CELSR1: variants seen among roughly 807,000 people sequenced by gnomAD.
CELSR1 encodes the protein cadherin EGF LAG seven-pass G-type receptor 1.
Under a neutral mutation model 249.1 loss-of-function variants are expected in CELSR1, and 110 were observed. The observed-to-expected ratio is 0.44, with a 90% CI of 0.38 to 0.52. The LOEUF (loss-of-function observed/expected upper bound fraction) is 0.52, where lower values mean the gene tolerates loss of function less well. Among genes scored for constraint, CELSR1 ranks in the 20% least tolerant of loss-of-function variants. The probability of loss-of-function intolerance (pLI) is 0.00; values close to 1 mark genes in which losing one functional copy is unlikely to be tolerated. For missense variants in CELSR1, 4,109 were observed against 4,296.4 expected (o/e 0.96, Z 1.22); for synonymous variants, 2,113 against 1,900.0 (o/e 1.11, Z -2.92).
intron 1 of CELSR1, among the ~76,000 whole-genome samples, chr22:46,513,489 T>G (rs1225770042): frequency 6.6e-6 from 1 of 152,150 alleles, no homozygotes; most frequent in Non-Finnish European, 1.5e-5. Flanking sequence ...AAGTTGCAAC[T>G]TGAGTATTTC....
chr22:46,509,139 G>T (rs1463579407), intron 1 of CELSR1, among the ~76,000 whole-genome samples: 3 of 152,184 alleles, frequency 2.0e-5, no homozygotes, highest in Admixed American at 1.3e-4. Flanking sequence ...AGGGGCTGGG[G>T]GGCTGCGAGG....
chr22:46,499,962 G>A (rs1445778466), intron 1 of CELSR1, among the ~76,000 whole-genome samples: 4 of 152,054 alleles, frequency 2.6e-5, no homozygotes, highest in Admixed American at 2.6e-4. Context: ...CCACCCAGCG[G>A]CCGCCCCCAC....
intron 1 of CELSR1, among the ~76,000 whole-genome samples, chr22:46,482,223 T>G (rs2080273606): frequency 2.6e-5 from 4 of 152,190 alleles, no homozygotes; most frequent in African/African-American, 7.2e-5. Flanking sequence ...CCAGCAACCT[T>G]AACCCACGAG....
chr22:46,362,862 C>T lies in CELSR1; in HGVS notation c.*361G>A, dbSNP rs1333636454. ...GGTCTTTGGTCTGTGCCCGGCGTTC[C>T]TGAACTCTGGCCAGCCTCTGGGCCC... is the stretch of plus-strand genomic sequence containing the variant. On this transcript the variant is annotated 3_prime_UTR_variant, in exon 35 of 35. Transcript: ENST00000674500. 2.6e-5 allele frequency: 11 copies of T among 418,228 alleles called. No homozygotes were observed. The Admixed American group carries it at 4.0e-4, about 15-fold the overall frequency. 25.9% of individuals were successfully genotyped at this position (418,228 alleles called of 1,614,324 possible). A position where few individuals can be genotyped will look rare whatever the true frequency, so the allele number is the denominator to read the frequency against.
At chr22:46,414,069 G>C (rs115241317) in intron 5 of CELSR1, among the ~76,000 whole-genome samples, 2,521 of 152,304 alleles carry the variant, frequency 0.017, 66 homozygotes, top group Middle Eastern at 0.061. Context: ...GCAGGATAAA[G>C]AAAGCTGGAG....
rs193018095 is a variant in CELSR1, at chr22:46,380,026, G to A, written c.7256+762C>T. On this transcript the variant is annotated intron_variant, in intron 22 of 34. Coordinates refer to ENST00000674500, the MANE Select transcript of CELSR1 (RefSeq NM_001378328.1). The surrounding 1 kb of genome is among the most constrained non-coding windows in gnomAD (Gnocchi z 5.1). ...CCTGTAACGATAGAGCAACTCAAAT[G>A]TCCACACCTCACGTGAACTCTGCAG... Among the ~76,000 whole-genome samples the A allele has an allele frequency of 6.6e-5, 10 of 152,308 alleles. No homozygotes were observed. The highest frequency in any genetic ancestry group is 5.2e-4 in the Admixed American group (8 of 15,302).
chr22:46,405,957 C>T (rs1322275818), intron 9 of CELSR1, among the ~76,000 whole-genome samples: 1 of 152,158 alleles, frequency 6.6e-6, no homozygotes, highest in African/African-American at 2.4e-5. Context: ...CTGCAGCATC[C>T]CCTCAAGGCC....
At chr22:46,376,979 G>A in intron 24 of CELSR1, 82 bp downstream of exon 24, 1 of 1,421,872 alleles carries the variant, frequency 7.0e-7, no homozygotes, top group South Asian at 1.2e-5. Context: ...TAGCCAGGGT[G>A]CTTGGAGTGG....
In CELSR1 at chr22:46,364,629, CCTT is replaced by C. The variant is rs757520803; in HGVS notation, c.8659_8661del (p.Lys2887del). 3.1e-6 allele frequency: 5 copies of C among 1,612,744 alleles called. No individual in the cohort carries two copies. The highest frequency in any genetic ancestry group is 1.1e-5 in the South Asian group (1 of 91,088). On this transcript the variant is annotated inframe_deletion, in exon 33 of 35. Transcript: ENST00000674500. ...TCCTCGCGGTGCAGCTCCACGCTGA[CCTT>C]GGTCTCCACCTTCAGGCGGGGCTTG...
rs567868535 is a variant in CELSR1 at position 46,488,901 on chromosome 22, C to T, written c.3545-24556G>A. Among the ~76,000 whole-genome samples the T allele has an allele frequency of 4.8e-4, 73 of 152,052 alleles. No homozygotes were observed. The highest frequency in any genetic ancestry group is 1.6e-3 in the African/African-American group (66 of 41,468). ...GTCTCGATCTCCTGACCTCATGATC[C>T]GCCTGCCTCGGCTTCCCAAAGTGTT... On this transcript the variant is annotated intron_variant, in intron 1 of 34. Coordinates refer to ENST00000674500, the MANE Select transcript of CELSR1 (RefSeq NM_001378328.1). The surrounding 1 kb of genome is among the most constrained non-coding windows in gnomAD (Gnocchi z 4.7).
At position 46,373,165 on chromosome 22, in the gene CELSR1, A is replaced by G. The variant is rs1451834349; in HGVS notation, c.7585-108T>C. ...GAGAGCTCACAATTCGGACCACCCT[A>G]TGTGTCTGTCCTCAGCTGAGCAGGG... On this transcript the variant is annotated intron_variant, in intron 24 of 34. Transcript: ENST00000674500. 2.5e-6 allele frequency: 3 copies of G among 1,191,214 alleles called. No homozygotes were observed. The African/African-American group carries it at 4.6e-5, about 18-fold the overall frequency. 73.8% of individuals were successfully genotyped at this position (1,191,214 alleles called of 1,614,324 possible).
chr22:46,391,194 C>A lies in CELSR1; in HGVS notation c.6242G>T (p.Gly2081Val). Residue 2081 changes from glycine (G) to valine (V), a missense_variant, in exon 16 of 35, where the codon GGA (glycine) becomes GTA (valine). Physicochemically the swap from Gly to Val is moderately radical, Grantham distance 109 (BLOSUM62 -3). Transcript: ENST00000674500. The surrounding 1 kb of genome is among the most constrained non-coding windows in gnomAD (Gnocchi z 4.3). ...GQPAAVPCPK[G>V]SVGNAVRHCS... ...AGGCCACGGCGACTCACCAACGGATCCCTTAGGGCATGGCACCGCAGCCGG... is the reference window on the plus strand; with the variant it reads ...AGGCCACGGCGACTCACCAACGGATACCTTAGGGCATGGCACCGCAGCCGG... 6.2e-7 allele frequency: 1 copy of A among 1,612,696 alleles called. No individual in the cohort carries two copies. Among genetic ancestry groups the A allele is most frequent in the East Asian group, 2.2e-5 (1 of 44,862 alleles).
At chr22:46,501,562 G>A (rs1602217822) in intron 1 of CELSR1, among the ~76,000 whole-genome samples, 1 of 152,184 alleles carries the variant, frequency 6.6e-6, no homozygotes, top group South Asian at 2.1e-4. Context: ...ACCTTTTCGT[G>A]AAGTGGCATC....
rs1221872702 is a variant in CELSR1 at position 46,423,575 on chromosome 22, A to C, written c.4611+9818T>G. 6.8e-6 allele frequency among the ~76,000 whole-genome samples: 1 copy of C among 146,824 alleles called. No individual in the cohort carries two copies. The highest frequency in any genetic ancestry group is 1.5e-5 in the Non-Finnish European group (1 of 67,242). ...AGCCGAGATCGCGCCTTTACACTCC[A>C]GCCTGGGCAACAGGAGCGAAACTTC... is the stretch of plus-strand genomic sequence containing the variant. On this transcript the variant is annotated intron_variant, in intron 5 of 34. Transcript: ENST00000674500. The surrounding 1 kb of genome is among the most constrained non-coding windows in gnomAD (Gnocchi z 5.6).
At position 46,408,663 on chromosome 22, in the gene CELSR1, GCTCA is replaced by G. The variant is rs757022771; in HGVS notation, c.5226+329_5226+332del. Among the ~76,000 whole-genome samples, 4 of 152,278 alleles carry G rather than the reference GCTCA, an allele frequency of 2.6e-5. No individual in the cohort carries two copies. Among genetic ancestry groups the G allele is most frequent in the East Asian group, 1.9e-4 (1 of 5,174 alleles). On this transcript the variant is annotated intron_variant, in intron 9 of 34. Coordinates refer to ENST00000674500, the MANE Select transcript of CELSR1 (RefSeq NM_001378328.1). This position sits in a 1 kb window ranked among gnomAD's most constrained non-coding sequence, Gnocchi z 4.6. ...CCTGGCTGCAGCTTTAACTGGTGAG[GCTCA>G]CTGTTTCCGCCTGAAGGCTCGGCAC... is the stretch of plus-strand genomic sequence containing the variant.
At position 46,463,868 on chromosome 22, in the gene CELSR1, A is replaced by T. The variant is rs374153326; in HGVS notation, c.4022T>A (p.Ile1341Asn). ...GCAGCGCAGGCCGTTGATGGGGTGG[A>T]TGGGCCGGAAGAGCACGGTGGTGGA... Reference protein sequence around the residue: ...LSSTTVLFRPIHPINGLRCRC... With the variant: ...LSSTTVLFRPNHPINGLRCRC... The change falls in exon 2 of 35, where the codon ATC (isoleucine) becomes AAC (asparagine). Residue 1341 changes from isoleucine to asparagine, a missense_variant. Coordinates refer to ENST00000674500, the MANE Select transcript of CELSR1 (RefSeq NM_001378328.1). 6.2e-7 allele frequency: 1 copy of T among 1,612,766 alleles called. No homozygotes were observed. Among genetic ancestry groups the T allele is most frequent in the Non-Finnish European group, 8.5e-7 (1 of 1,179,450 alleles).
chr22:46,414,620 T>A (rs9615993), intron 5 of CELSR1, among the ~76,000 whole-genome samples: 22 of 105,332 alleles, frequency 2.1e-4, no homozygotes, highest in African/African-American at 1.4e-3. Flanking sequence ...AGTGTGGGTT[T>A]AACGCGCAGG....
In CELSR1 at chr22:46,447,904, G is replaced by A. The variant is rs1807738; in HGVS notation, c.4184-8493C>T. Among the ~76,000 whole-genome samples, 16,033 of 152,180 alleles carry A rather than the reference G, an allele frequency of 0.11. 905 individuals carry two copies. Among genetic ancestry groups the A allele is most frequent in the Admixed American group, 0.2 (3,099 of 15,288 alleles). On this transcript the variant is annotated intron_variant, in intron 2 of 34. Transcript: ENST00000674500. The surrounding 1 kb of genome is among the most constrained non-coding windows in gnomAD (Gnocchi z 4.7). ...CAAAGTGCTGGGATTACAGGTGCGAGCCACCACACCCGGCCAGAAAAGCAT... is the reference window on the plus strand; with the variant it reads ...CAAAGTGCTGGGATTACAGGTGCGAACCACCACACCCGGCCAGAAAAGCAT...
intron 1 of CELSR1, among the ~76,000 whole-genome samples, chr22:46,489,981 C>T (rs770714072): frequency 2.0e-5 from 3 of 152,182 alleles, no homozygotes; most frequent in Non-Finnish European, 1.5e-5. Context: ...GCTGCCCAGC[C>T]TGGTTAGTGG....
Sources: gnomAD v4.1 joint callset for allele counts (sites outside exome capture counted in the v4.1 genomes callset) on GRCh38, gnomAD v4.1.1 for gene constraint, Gnocchi (gnomAD v3.1) non-coding constraint, MANE v1.5 for transcripts, NCBI Gene and HGNC (gene_info 2026-07-23, HGNC 2026-07-21) for gene names.